The following CDKAL1 variants were observed in gnomAD, a reference collection of about 807,000 sequenced individuals.
CDKAL1 encodes the protein CDKAL1 threonylcarbamoyladenosine tRNA methylthiotransferase.
Under a neutral mutation model 68.2 loss-of-function variants are expected in CDKAL1, and 32 were observed. The ratio of observed to expected loss-of-function variants is 0.47; its 90% CI spans 0.35 to 0.63. The LOEUF (loss-of-function observed/expected upper bound fraction) is 0.63. Among genes scored for constraint, CDKAL1 ranks in the 30% least tolerant of loss-of-function variants. The pLI, the probability that CDKAL1 is intolerant of heterozygous loss-of-function variation, is 0.00. For synonymous variants in CDKAL1, 234 were observed against 244.3 expected (o/e 0.96, Z 0.39); for missense variants, 606 against 696.7 (o/e 0.87, Z 1.47).
chr6:20,701,127 G>C (rs1160689112), intron 5 of CDKAL1, among the ~76,000 whole-genome samples: 1 of 152,068 alleles, frequency 6.6e-6, no homozygotes, highest in Admixed American at 6.6e-5. Flanking sequence ...CACCAGATTT[G>C]TTCCTGGTCC....
rs561096601 is a variant in CDKAL1 at position 20,543,928 on chromosome 6, C to T, written c.-5-2418C>T. On this transcript the variant is annotated intron_variant, in intron 2 of 15. Coordinates refer to ENST00000274695, the MANE Select transcript of CDKAL1 (RefSeq NM_017774.3). ...ATTTTTTGTATTTTTAGTAGAGACG[C>T]GGTGTCACCATGTTGGCCAGGCTGT... Among the ~76,000 whole-genome samples the T allele has an allele frequency of 9.4e-4, 143 of 151,564 alleles. 1 individual carries two copies. Among genetic ancestry groups the T allele is most frequent in the Non-Finnish European group, 1.7e-3 (114 of 67,828 alleles).
chr6:20,863,841 A>G (rs1490490712), intron 9 of CDKAL1, among the ~76,000 whole-genome samples: 6 of 152,226 alleles, frequency 3.9e-5, no homozygotes, highest in Admixed American at 3.9e-4. Context: ...ATTAAAAAGA[A>G]AATACATTTC....
chr6:20,940,187 A>G (rs1401339348), intron 9 of CDKAL1, among the ~76,000 whole-genome samples: 1 of 152,186 alleles, frequency 6.6e-6, no homozygotes, highest in African/African-American at 2.4e-5. Flanking sequence ...AATGTTTTGA[A>G]TTTTAATAAA....
chr6:21,191,203 T>G (rs1778223288), intron 13 of CDKAL1, among the ~76,000 whole-genome samples: 1 of 152,236 alleles, frequency 6.6e-6, no homozygotes, highest in East Asian at 1.9e-4. Context: ...TAGAATATTG[T>G]TTGTTTCAGG....
chr6:21,002,447 G>A (rs189141526), intron 11 of CDKAL1, among the ~76,000 whole-genome samples: 453 of 152,212 alleles, frequency 3.0e-3, no homozygotes, highest in African/African-American at 0.011. Flanking sequence ...CAATTAGATT[G>A]TAGAGTATGA....
At chr6:20,843,352 A>G (rs1778250704) in intron 8 of CDKAL1, among the ~76,000 whole-genome samples, 1 of 151,992 alleles carries the variant, frequency 6.6e-6, no homozygotes, top group African/African-American at 2.4e-5. Flanking sequence ...GTGTTCCTTA[A>G]GACAGTTACT....
At chr6:20,991,934 A>T (rs1766833506) in intron 10 of CDKAL1, among the ~76,000 whole-genome samples, 1 of 151,134 alleles carries the variant, frequency 6.6e-6, no homozygotes, top group East Asian at 1.9e-4. Flanking sequence ...TTTTAAAAAT[A>T]TAATATCATT....
chr6:21,091,959 T>G (rs1172467205), intron 12 of CDKAL1, among the ~76,000 whole-genome samples: 2 of 136,524 alleles, frequency 1.5e-5, no homozygotes, highest in East Asian at 4.4e-4. Context: ...TGATCTCGGC[T>G]CACTGCAAGC....
At chr6:20,903,429 A>G (rs77280138) in intron 9 of CDKAL1, among the ~76,000 whole-genome samples, 1,618 of 152,322 alleles carry the variant, frequency 0.011, 28 homozygotes, top group African/African-American at 0.036. Context: ...AGTAATACAT[A>G]TCATTTTAGA....
intron 9 of CDKAL1, among the ~76,000 whole-genome samples, chr6:20,899,384 G>A (rs921057584): frequency 6.6e-6 from 1 of 151,920 alleles, no homozygotes; most frequent in South Asian, 2.1e-4. Context: ...TAGCCACCAC[G>A]CCACAGTACG....
chr6:21,083,565 T>A (rs952656284), intron 12 of CDKAL1, among the ~76,000 whole-genome samples: 1 of 152,214 alleles, frequency 6.6e-6, no homozygotes, highest in African/African-American at 2.4e-5. Flanking sequence ...AGAATGAGTT[T>A]CTTACATGAT....
In CDKAL1 at chr6:21,032,288, C is replaced by G. The variant is rs1211042710; in HGVS notation, c.1055+31916C>G. Among the ~76,000 whole-genome samples the G allele has an allele frequency of 2.0e-5, 3 of 152,062 alleles. No homozygotes were observed. The East Asian group carries it at 5.8e-4, about 29-fold the overall frequency. ...CTTTTTTTGTAGAGATGGGGTTTCA[C>G]CATGTTGCCCAGGCTGGTCTCAAAC... is the stretch of plus-strand genomic sequence containing the variant. On this transcript the variant is annotated intron_variant, in intron 11 of 15. Coordinates refer to ENST00000274695, the MANE Select transcript of CDKAL1 (RefSeq NM_017774.3).
Position 21,042,813 on chromosome 6 carries a change from G to A in CDKAL1, c.1056-22235G>A, listed in dbSNP as rs535755035. On this transcript the variant is annotated intron_variant, in intron 11 of 15. Coordinates refer to ENST00000274695, the MANE Select transcript of CDKAL1 (RefSeq NM_017774.3). Reference sequence around the variant, plus strand: ...CCTTTTCCCCAAACTTCTATATGCTGGTCCTAACCTCCTTGTTAGCTATAT... The same window carrying A: ...CCTTTTCCCCAAACTTCTATATGCTAGTCCTAACCTCCTTGTTAGCTATAT... 5.9e-4 allele frequency among the ~76,000 whole-genome samples: 90 copies of A among 152,090 alleles called. 1 individual carries two copies. The highest frequency in any genetic ancestry group is 1.1e-3 in the Non-Finnish European group (76 of 68,022).
chr6:20,694,795 G>T (rs994901371), intron 5 of CDKAL1, among the ~76,000 whole-genome samples: 5 of 152,148 alleles, frequency 3.3e-5, no homozygotes, highest in Non-Finnish European at 2.9e-5. Context: ...TGGAGGAGGG[G>T]CCAAATGGAG....
At chr6:21,020,919 C>G (rs754770508) in intron 11 of CDKAL1, among the ~76,000 whole-genome samples, 2 of 151,810 alleles carry the variant, frequency 1.3e-5, no homozygotes, top group Non-Finnish European at 2.9e-5. Context: ...GTACCTGACA[C>G]AGGTACTATT....
At chr6:20,683,005 T>G (rs1770454222) in intron 5 of CDKAL1, among the ~76,000 whole-genome samples, 1 of 147,464 alleles carries the variant, frequency 6.8e-6, no homozygotes, top group Admixed American at 7.0e-5. Flanking sequence ...TAGGCAGGAG[T>G]GCAGTGACTT....
chr6:21,047,023 G>A (rs201332), intron 11 of CDKAL1, among the ~76,000 whole-genome samples: 28,897 of 151,704 alleles, frequency 0.19, 2,880 homozygotes, highest in Middle Eastern at 0.24. Flanking sequence ...AATAAGCATT[G>A]ACCAAATGTT....
At chr6:20,738,769 G>A (rs1363372880) in intron 5 of CDKAL1, among the ~76,000 whole-genome samples, 1 of 152,180 alleles carries the variant, frequency 6.6e-6, no homozygotes, top group Non-Finnish European at 1.5e-5. Context: ...AAAGTGTTGG[G>A]ATTACAGGTG....
intron 9 of CDKAL1, among the ~76,000 whole-genome samples, chr6:20,869,759 T>C (rs1760102708): frequency 1.3e-5 from 2 of 152,210 alleles, no homozygotes; most frequent in Admixed American, 6.5e-5. Context: ...TTGATTTCCT[T>C]ATCAATATGA....
Sources: gnomAD v4.1 joint callset for allele counts (sites outside exome capture counted in the v4.1 genomes callset) on GRCh38, gnomAD v4.1.1 for gene constraint, MANE v1.5 for transcripts, NCBI Gene and HGNC (gene_info 2026-07-23, HGNC 2026-07-21) for gene names.